Variants in WDR17 observed in about 807,000 individuals in gnomAD.
The protein encoded by WDR17 is WD repeat domain 17.
WDR17 carries 143 observed loss-of-function variants against 161.7 expected under a neutral mutation model. The ratio of observed to expected loss-of-function variants is 0.88; its 90% CI spans 0.77 to 1.02. WDR17 has a LOEUF of 1.02. WDR17 is among the 50% of genes least tolerant of loss of function. WDR17 has a pLI of 0.00. For missense variants in WDR17, 1,469 were observed against 1,520.9 expected (o/e 0.97, Z 0.57); for synonymous variants, 517 against 515.6 (o/e 1.00, Z -0.04).
chr4:176,076,214 A>AATATATATATATATATAT (rs1219401869), intron 1 of WDR17, among the ~76,000 whole-genome samples: 2 of 62,258 alleles, frequency 3.2e-5, no homozygotes, highest in Non-Finnish European at 7.2e-5. Context: ...TTACATATAT[A>AATATATATATATATATAT]ATATATATAT....
At chr4:176,151,284 C>A (rs148884860) in intron 16 of WDR17, among the ~76,000 whole-genome samples, 13 of 152,116 alleles carry the variant, frequency 8.5e-5, no homozygotes, top group Non-Finnish European at 1.9e-4. Context: ...AGAGGCCTGT[C>A]TGTACTGTTG....
intron 1 of WDR17, among the ~76,000 whole-genome samples, chr4:176,106,812 A>C (rs941027224): frequency 6.6e-6 from 1 of 152,158 alleles, no homozygotes; most frequent in Non-Finnish European, 1.5e-5. Flanking sequence ...ATAGCCAGGC[A>C]TGATGGCGCA....
chr4:176,177,252 A>T, intron 27 of WDR17, 96 bp downstream of exon 27: 1 of 1,172,206 alleles, frequency 8.5e-7, no homozygotes, highest in South Asian at 1.3e-5. Flanking sequence ...ATTTTAGCAG[A>T]ATAATGAATC....
At chr4:176,115,732 A>C (rs1740507076) in intron 2 of WDR17, 64 bp from the exon 3 acceptor site, 1 of 1,276,234 alleles carries the variant, frequency 7.8e-7, no homozygotes, top group South Asian at 1.7e-5. Context: ...TGTAATGTGA[A>C]TATTAACAGT....
chr4:176,173,275 A>C lies in WDR17; in HGVS notation c.3253A>C (p.Ser1085Arg), dbSNP rs1174338157. 3 of 1,607,226 alleles carry C rather than the reference A, an allele frequency of 1.9e-6. No individual in the cohort carries two copies. The East Asian group carries it at 6.7e-5, about 36-fold the overall frequency. ...TGGTTTAATTTTTCCAGAATACATCAGTAGCTCAGACTGGACTTTGGATAC... is the reference window on the plus strand; with the variant it reads ...TGGTTTAATTTTTCCAGAATACATCCGTAGCTCAGACTGGACTTTGGATAC... ...IGISFVKEYISSSDWTLDTIY... is the reference protein window; with the variant it reads ...IGISFVKEYIRSSDWTLDTIY... The change falls in exon 25 of 29, where the codon AGT becomes CGT. Residue 1085 changes from serine (S) to arginine (R), a missense_variant. Transcript: ENST00000508596.
rs369573818 is a variant in WDR17, at chr4:176,174,604, T to C, written c.3348-13T>C. 32 of 1,577,976 alleles carry C rather than the reference T, an allele frequency of 2.0e-5. 1 individual carries two copies. Among genetic ancestry groups the C allele is most frequent in the Non-Finnish European group, 2.6e-5 (30 of 1,156,602 alleles). On this transcript the variant is annotated splice_polypyrimidine_tract_variant and intron_variant, in intron 25 of 28. Coordinates refer to ENST00000508596, the MANE Select transcript of WDR17 (RefSeq NM_181265.4). ...ATTGTGGAATTTATAAAAATAAATA[T>C]ATTCTCTTTTAGAGCTCGAAATGAG... is the stretch of plus-strand genomic sequence containing the variant.
chr4:176,107,971 T>C (rs1445260375), intron 1 of WDR17, among the ~76,000 whole-genome samples: 1 of 150,378 alleles, frequency 6.6e-6, no homozygotes, highest in African/African-American at 2.5e-5. Context: ...GTCCCTTCCT[T>C]CCTTCCTTCT....
chr4:176,129,572 C>G (rs1361352409), intron 6 of WDR17, among the ~76,000 whole-genome samples: 2 of 152,012 alleles, frequency 1.3e-5, no homozygotes, highest in Non-Finnish European at 2.9e-5. Flanking sequence ...TTCTGTATAA[C>G]ACATCATTAA....
intron 4 of WDR17, among the ~76,000 whole-genome samples, chr4:176,122,582 G>A (rs908385985): frequency 1.3e-5 from 2 of 152,170 alleles, no homozygotes; most frequent in African/African-American, 2.4e-5. Context: ...ACTACATTCT[G>A]GATTGTGAGT....
At position 176,177,155 on chromosome 4, in the gene WDR17, A is replaced by C. The variant is rs754986919; in HGVS notation, c.3547A>C (p.Arg1183=). Residue 1183 remains arginine, a splice_region_variant and synonymous_variant, in exon 27 of 29, where the codon AGA becomes CGA. Coordinates refer to ENST00000508596, the MANE Select transcript of WDR17 (RefSeq NM_181265.4). The part of the protein sequence containing the change: ...AWRACTQSTN[R]SLEDSPYTPP... ...GAGAGCTTGCACACAGTCCACCAACAGGTGAGCAAATATGATATAAAAATT... is the reference window on the plus strand; with the variant it reads ...GAGAGCTTGCACACAGTCCACCAACCGGTGAGCAAATATGATATAAAAATT... The C allele has an allele frequency of 3.1e-6, 5 of 1,611,320 alleles. No individual in the cohort carries two copies. Among genetic ancestry groups the C allele is most frequent in the African/African-American group, 2.7e-5 (2 of 74,850 alleles).
intron 1 of WDR17, among the ~76,000 whole-genome samples, chr4:176,106,795 A>G (rs1253326335): frequency 6.6e-6 from 1 of 152,136 alleles, no homozygotes; most frequent in South Asian, 2.1e-4. Context: ...TTCAACAACA[A>G]CAGAAAATAG....
chr4:176,149,516 C>T (rs1320785510), intron 13 of WDR17, among the ~76,000 whole-genome samples: 5 of 152,078 alleles, frequency 3.3e-5, no homozygotes, highest in Admixed American at 1.3e-4. Flanking sequence ...GGGATCCACC[C>T]GCCTCAGACT....
At chr4:176,074,817 T>G in intron 1 of WDR17, among the ~76,000 whole-genome samples, 1 of 147,388 alleles carries the variant, frequency 6.8e-6, no homozygotes, top group Admixed American at 6.8e-5. Flanking sequence ...ATGCTTTTTT[T>G]TTTTTTTTTT....
Position 176,160,123 on chromosome 4 carries a change from A to G in WDR17, c.2655A>G (p.Ala885=). ...RGQLKEALLV[A]QAACEGNMQP... Reference sequence around the variant, plus strand: ...AGCTTAAAGAAGCTCTGCTTGTTGCACAGGTAAAACCACAGAACTACCCCA... The same window carrying G: ...AGCTTAAAGAAGCTCTGCTTGTTGCGCAGGTAAAACCACAGAACTACCCCA... The change falls in exon 19 of 29, where the codon GCA becomes GCG. Residue 885 remains alanine (A), a synonymous_variant. Transcript: ENST00000508596. 4 of 1,613,490 alleles carry G rather than the reference A, an allele frequency of 2.5e-6. No homozygotes were observed. Among genetic ancestry groups the G allele is most frequent in the Non-Finnish European group, 3.4e-6 (4 of 1,179,612 alleles).
At chr4:176,113,588 A>G (rs1740127095) in intron 2 of WDR17, among the ~76,000 whole-genome samples, 1 of 152,040 alleles carries the variant, frequency 6.6e-6, no homozygotes, top group African/African-American at 2.4e-5. Flanking sequence ...ACATAATTAA[A>G]TGGTGACATT....
intron 1 of WDR17, among the ~76,000 whole-genome samples, chr4:176,095,177 A>G (rs1736662958): frequency 1.3e-5 from 2 of 152,180 alleles, no homozygotes; most frequent in Non-Finnish European, 2.9e-5. Flanking sequence ...TAAGCCAGAG[A>G]CAACAATGAA....
chr4:176,130,701 T>TGC (rs1743284610), intron 6 of WDR17, among the ~76,000 whole-genome samples: 1 of 144,082 alleles, frequency 6.9e-6, no homozygotes, highest in Non-Finnish European at 1.5e-5. Context: ...GCCGAGATCA[T>TGC]GCCACAGCAC....
Position 176,123,417 on chromosome 4 carries a change from A to G in WDR17, c.539-1687A>G, listed in dbSNP as rs371992701. ...AGAGTCACAACACACACACTGAGGGATCAGGCCCCATTACTGTCCTCTCTT... is the reference window on the plus strand; with the variant it reads ...AGAGTCACAACACACACACTGAGGGGTCAGGCCCCATTACTGTCCTCTCTT... On this transcript the variant is annotated intron_variant, in intron 4 of 28. Coordinates refer to ENST00000508596, the MANE Select transcript of WDR17 (RefSeq NM_181265.4). Among the ~76,000 whole-genome samples the G allele has an allele frequency of 6.6e-5, 10 of 152,264 alleles. No individual in the cohort carries two copies. In the East Asian group the frequency reaches 1.2e-3, roughly 18 times the overall value.
rs1160604360 is a variant in WDR17 at position 176,180,846 on chromosome 4, G to C, written c.*1267G>C. 6.6e-6 allele frequency: 1 copy of C among 152,194 alleles called. No individual in the cohort carries two copies. The highest frequency in any genetic ancestry group is 2.4e-5 in the African/African-American group (1 of 41,446). The allele number at this position is 152,194 out of a possible 1,614,324, so 9.4% of individuals were successfully genotyped here. ...TTAAAATGTTGTTTAAAAGTGTGAA[G>C]CTATGAAAAGCCTGATAATGTGACT... On this transcript the variant is annotated 3_prime_UTR_variant, in exon 29 of 29. Transcript: ENST00000508596.
Sources: gnomAD v4.1 joint callset for allele counts (sites outside exome capture counted in the v4.1 genomes callset) on GRCh38, gnomAD v4.1.1 for gene constraint, MANE v1.5 for transcripts, NCBI Gene and HGNC (gene_info 2026-07-23, HGNC 2026-07-21) for gene names.